CSMD1: variants seen among roughly 807,000 people sequenced by gnomAD.
The protein encoded by CSMD1 is CUB and Sushi multiple domains 1.
Under a neutral mutation model 417.5 loss-of-function variants are expected in CSMD1, and 213 were observed. The ratio of observed to expected loss-of-function variants is 0.51; its 90% CI spans 0.46 to 0.57. CSMD1 has a LOEUF of 0.57. Among genes scored for constraint, CSMD1 ranks in the 20% least tolerant of loss-of-function variants. CSMD1 has a pLI of 0.00. For missense variants in CSMD1, 6,923 were observed against 4,529.7 expected (o/e 1.53, Z -15.17); for synonymous variants, 2,862 against 1,736.8 (o/e 1.65, Z -16.11).
chr8:3,382,022 C>T (rs939426313), intron 18 of CSMD1, among the ~76,000 whole-genome samples: 4 of 152,126 alleles, frequency 2.6e-5, no homozygotes, highest in African/African-American at 9.7e-5. Flanking sequence ...CTTTGGGAGG[C>T]CGAGGCAGGC....
chr8:4,707,618 G>A (rs1486830283), intron 1 of CSMD1, among the ~76,000 whole-genome samples: 3 of 152,024 alleles, frequency 2.0e-5, no homozygotes, highest in African/African-American at 7.2e-5. Context: ...CAGCCATGAT[G>A]GCTCACTCCT....
chr8:3,643,087 A>G (rs1563226944), intron 7 of CSMD1, among the ~76,000 whole-genome samples: 1 of 152,096 alleles, frequency 6.6e-6, no homozygotes, highest in Non-Finnish European at 1.5e-5. Context: ...AGGGAGAGAG[A>G]CAGGCATGCA....
intron 1 of CSMD1, among the ~76,000 whole-genome samples, chr8:4,861,726 G>A (rs1015816158): frequency 1.3e-5 from 2 of 151,950 alleles, no homozygotes; most frequent in Non-Finnish European, 2.9e-5. Flanking sequence ...TATGGCATAC[G>A]TTAAAGAATG....
At chr8:3,842,520 C>T (rs1019759957) in intron 5 of CSMD1, among the ~76,000 whole-genome samples, 6 of 151,942 alleles carry the variant, frequency 3.9e-5, no homozygotes, top group East Asian at 1.9e-4. Context: ...AAGTGGGTTC[C>T]AATTGTAGAT....
chr8:4,517,851 A>T (rs1803208544), intron 2 of CSMD1, among the ~76,000 whole-genome samples: 1 of 152,236 alleles, frequency 6.6e-6, no homozygotes, highest in South Asian at 2.1e-4. Flanking sequence ...CAGATGCAAA[A>T]GCCACACGTA....
In CSMD1 at chr8:3,307,754, C is replaced by A. The variant is rs191537593; in HGVS notation, c.3891G>T (p.Pro1297=). The change falls in exon 25 of 70, where the codon CCG becomes CCT. Residue 1297 remains proline, a synonymous_variant. Coordinates refer to ENST00000635120, the MANE Select transcript of CSMD1 (RefSeq NM_033225.6). ...AGGTGCAGTGGAGGTTGTTGTCATACGGAGCTGGATAGCCAGGGGACAATA... is the reference window on the plus strand; with the variant it reads ...AGGTGCAGTGGAGGTTGTTGTCATAAGGAGCTGGATAGCCAGGGGACAATA... ...GRILSPGYPA[P]YDNNLHCTWI... The A allele has an allele frequency of 1.8e-5, 29 of 1,613,556 alleles. No individual in the cohort carries two copies. The highest frequency in any genetic ancestry group is 2.5e-5 in the Non-Finnish European group (29 of 1,179,712).
At chr8:4,983,765 C>T (rs1811023031) in intron 1 of CSMD1, among the ~76,000 whole-genome samples, 1 of 151,962 alleles carries the variant, frequency 6.6e-6, no homozygotes, top group Non-Finnish European at 1.5e-5. Context: ...CAGTTTCCTA[C>T]ATCATGACTA....
intron 2 of CSMD1, among the ~76,000 whole-genome samples, chr8:4,454,255 C>T (rs1799334568): frequency 6.6e-6 from 1 of 152,152 alleles, no homozygotes; most frequent in African/African-American, 2.4e-5. Context: ...GTGCTTACCG[C>T]CTCTCACTGC....
At chr8:3,484,273 G>C (rs1459229225) in intron 11 of CSMD1, among the ~76,000 whole-genome samples, 1 of 152,140 alleles carries the variant, frequency 6.6e-6, no homozygotes, top group Non-Finnish European at 1.5e-5. Context: ...CTCAGAAATA[G>C]ACCCACACAA....
intron 7 of CSMD1, among the ~76,000 whole-genome samples, chr8:3,631,456 G>C (rs548202915): frequency 6.6e-6 from 1 of 152,196 alleles, no homozygotes; most frequent in Non-Finnish European, 1.5e-5. Flanking sequence ...GTCAAGAATA[G>C]GCAGATAAAA....
intron 7 of CSMD1, among the ~76,000 whole-genome samples, chr8:3,646,773 A>G (rs1332527615): frequency 6.6e-6 from 1 of 152,076 alleles, no homozygotes; most frequent in African/African-American, 2.4e-5. Flanking sequence ...GATAACCACC[A>G]GGGGCATCCG....
chr8:3,206,479 C>G lies in CSMD1; in HGVS notation c.4868-859G>C, dbSNP rs1481073247. ...TGTGTGTGGGGGGGTTATGTCTGTG[C>G]GTGTATGTGTGTGTGGGTGTATGTG... On this transcript the variant is annotated intron_variant, in intron 30 of 69. Coordinates refer to ENST00000635120, the MANE Select transcript of CSMD1 (RefSeq NM_033225.6). Among the ~76,000 whole-genome samples, 2 of 9,974 alleles carry G rather than the reference C, an allele frequency of 2.0e-4. 1 individual carries two copies. The highest frequency in any genetic ancestry group is 6.2e-4 in the African/African-American group (2 of 3,226). The allele number at this position is 9,974 out of a possible 152,430, so 6.5% of individuals were successfully genotyped here.
chr8:4,942,056 T>C (rs562670498), intron 1 of CSMD1, among the ~76,000 whole-genome samples: 2 of 152,360 alleles, frequency 1.3e-5, no homozygotes, highest in African/African-American at 2.4e-5. Context: ...CTGGCTCTTC[T>C]ACTTTAAGAA....
At chr8:4,558,781 T>C (rs1798204129) in intron 2 of CSMD1, among the ~76,000 whole-genome samples, 2 of 152,260 alleles carry the variant, frequency 1.3e-5, no homozygotes, top group Middle Eastern at 3.4e-3. Flanking sequence ...GGCAGGAGAA[T>C]TGCTTGAACC....
At chr8:4,704,953 G>C (rs1457387882) in intron 1 of CSMD1, among the ~76,000 whole-genome samples, 1 of 152,200 alleles carries the variant, frequency 6.6e-6, no homozygotes, top group African/African-American at 2.4e-5. Context: ...GTTTGGCTCT[G>C]TGTCCAAATC....
At chr8:3,546,749 T>C (rs1798683692) in intron 10 of CSMD1, among the ~76,000 whole-genome samples, 1 of 152,224 alleles carries the variant, frequency 6.6e-6, no homozygotes, top group African/African-American at 2.4e-5. Context: ...GAAATCAGCC[T>C]GCACAGTTGT....
chr8:3,581,260 C>A (rs909595190), intron 9 of CSMD1, among the ~76,000 whole-genome samples: 1 of 152,184 alleles, frequency 6.6e-6, no homozygotes, highest in African/African-American at 2.4e-5. Context: ...TAAAGATACT[C>A]ATACAGTTTT....
chr8:4,328,733 T>C (rs1246586612), intron 3 of CSMD1, among the ~76,000 whole-genome samples: 1 of 152,220 alleles, frequency 6.6e-6, no homozygotes, highest in African/African-American at 2.4e-5. Context: ...TTCTTTACTG[T>C]TCTTGTTTTA....
chr8:4,458,150 T>C (rs1799598334), intron 2 of CSMD1, among the ~76,000 whole-genome samples: 1 of 152,166 alleles, frequency 6.6e-6, no homozygotes, highest in Admixed American at 6.5e-5. Context: ...GGTTTTGCTG[T>C]CTTGAGTGGA....
Sources: gnomAD v4.1 joint callset for allele counts (sites outside exome capture counted in the v4.1 genomes callset) on GRCh38, gnomAD v4.1.1 for gene constraint, MANE v1.5 for transcripts, NCBI Gene and HGNC (gene_info 2026-07-23, HGNC 2026-07-21) for gene names.